CDH12: variants seen among roughly 807,000 people sequenced by gnomAD.
CDH12 encodes cadherin-12.
A neutral mutation model predicts 74.1 loss-of-function variants in CDH12; 41 were observed. That is an observed-to-expected ratio of 0.55 (90% CI 0.43 to 0.72). The LOEUF is 0.72. CDH12 is among the 30% of genes least tolerant of loss of function. The probability of loss-of-function intolerance (pLI) is 0.00; values close to 1 mark genes in which losing one functional copy is unlikely to be tolerated. For synonymous variants in CDH12, 399 were observed against 355.0 expected (o/e 1.12, Z -1.39); for missense variants, 945 against 977.2 (o/e 0.97, Z 0.44).
At chr5:22,510,376 A>G (rs1258579052) in intron 1 of CDH12, among the ~76,000 whole-genome samples, 3 of 152,052 alleles carry the variant, frequency 2.0e-5, no homozygotes, top group Non-Finnish European at 4.4e-5. Context: ...TTATAAAAAT[A>G]TGGAAAAAAA....
At chr5:21,765,964 A>C (rs1745000953) in intron 11 of CDH12, among the ~76,000 whole-genome samples, 1 of 152,056 alleles carries the variant, frequency 6.6e-6, no homozygotes, top group Non-Finnish European at 1.5e-5. Flanking sequence ...CAGAGGCAGA[A>C]AGCTAAATGA....
intron 2 of CDH12, among the ~76,000 whole-genome samples, chr5:22,501,551 C>A (rs188013978): frequency 6.6e-6 from 1 of 151,622 alleles, no homozygotes. Flanking sequence ...ATCATAATTC[C>A]CAATGACAAG....
rs1736793945 is a variant in CDH12, at chr5:22,600,256, GT to G, written c.-522-94893del. 2.0e-5 allele frequency among the ~76,000 whole-genome samples: 3 copies of G among 152,034 alleles called. No individual in the cohort carries two copies. The South Asian group carries it at 6.2e-4, about 31-fold the overall frequency. On this transcript the variant is annotated intron_variant, in intron 1 of 14. Coordinates refer to ENST00000382254, the MANE Select transcript of CDH12 (RefSeq NM_004061.5). The stretch of plus-strand genomic sequence containing the variant: ...GCATCTGGCACACAATGCTATTCGT[GT>G]CTCCTCTTAGTTTTGATGTTGCTGT...
intron 1 of CDH12, among the ~76,000 whole-genome samples, chr5:22,608,214 A>T (rs1737217748): frequency 6.6e-6 from 1 of 152,216 alleles, no homozygotes; most frequent in African/African-American, 2.4e-5. Flanking sequence ...CTGCAAAGCC[A>T]CAGGGTTGGA....
chr5:22,438,591 T>C (rs772781931), intron 2 of CDH12, among the ~76,000 whole-genome samples: 4 of 152,050 alleles, frequency 2.6e-5, no homozygotes, highest in Non-Finnish European at 4.4e-5. Flanking sequence ...TTAAATTAAA[T>C]ATAATAACAT....
chr5:22,000,209 G>T (rs1388431038), intron 5 of CDH12, among the ~76,000 whole-genome samples: 32 of 152,104 alleles, frequency 2.1e-4, no homozygotes, highest in Non-Finnish European at 1.8e-4. Context: ...CTAGTCTCTT[G>T]CCTTGGCCTC....
chr5:22,197,240 C>T lies in CDH12; in HGVS notation c.-187+15258G>A, dbSNP rs183719393. On this transcript the variant is annotated intron_variant, in intron 4 of 14. Coordinates refer to ENST00000382254, the MANE Select transcript of CDH12 (RefSeq NM_004061.5). ...GGGGAGGATCATGAGGTCAGGAGAT[C>T]GAGTCCATCCTGGCTAACACAGTGA... Among the ~76,000 whole-genome samples, 10 of 151,956 alleles carry T rather than the reference C, an allele frequency of 6.6e-5. No individual in the cohort carries two copies. The East Asian group carries it at 1.6e-3, about 24-fold the overall frequency.
At chr5:22,444,949 A>G (rs1029441870) in intron 2 of CDH12, among the ~76,000 whole-genome samples, 1 of 152,070 alleles carries the variant, frequency 6.6e-6, no homozygotes, top group African/African-American at 2.4e-5. Context: ...TTCTTTCAAA[A>G]CAATATATAG....
chr5:22,837,813 T>C (rs1395265343), intron 1 of CDH12, among the ~76,000 whole-genome samples: 2 of 152,192 alleles, frequency 1.3e-5, no homozygotes, highest in Non-Finnish European at 2.9e-5. Flanking sequence ...TCATGGTAGA[T>C]AGAAGCCTAA....
At chr5:22,390,178 C>T (rs1032766044) in intron 3 of CDH12, among the ~76,000 whole-genome samples, 2 of 152,056 alleles carry the variant, frequency 1.3e-5, no homozygotes, top group African/African-American at 4.8e-5. Context: ...AACTCTTACT[C>T]CTGGAGGATG....
chr5:22,605,931 C>T (rs1737092226), intron 1 of CDH12, among the ~76,000 whole-genome samples: 1 of 152,200 alleles, frequency 6.6e-6, no homozygotes, highest in African/African-American at 2.4e-5. Context: ...AGTAGGCTGA[C>T]CTGCAAGAGC....
At chr5:22,812,835 G>A (rs1179577922) in intron 1 of CDH12, among the ~76,000 whole-genome samples, 1 of 152,072 alleles carries the variant, frequency 6.6e-6, no homozygotes, top group African/African-American at 2.4e-5. Flanking sequence ...GTCAAAAAAT[G>A]ATCTGTGACT....
At chr5:21,813,433 T>C (rs558912936) in intron 9 of CDH12, among the ~76,000 whole-genome samples, 45 of 152,060 alleles carry the variant, frequency 3.0e-4, no homozygotes, top group Non-Finnish European at 4.9e-4. Flanking sequence ...TGAGCCGAGA[T>C]CCCTCCATTG....
intron 6 of CDH12, among the ~76,000 whole-genome samples, chr5:21,932,478 C>A (rs1754885472): frequency 6.6e-6 from 1 of 152,144 alleles, no homozygotes; most frequent in Admixed American, 6.6e-5. Context: ...CAGCTCTCTG[C>A]AGAGGAACTC....
At chr5:22,519,461 T>A (rs1413316152) in intron 1 of CDH12, among the ~76,000 whole-genome samples, 1 of 150,202 alleles carries the variant, frequency 6.7e-6, no homozygotes, top group South Asian at 2.1e-4. Context: ...TCTCACTCTG[T>A]CACCCAGGCT....
intron 2 of CDH12, among the ~76,000 whole-genome samples, chr5:22,482,022 T>G (rs1746403781): frequency 6.6e-6 from 1 of 152,152 alleles, no homozygotes; most frequent in Non-Finnish European, 1.5e-5. Context: ...TTAATGTGGA[T>G]CATGACTGAA....
At chr5:22,818,427 C>G (rs1355358357) in intron 1 of CDH12, among the ~76,000 whole-genome samples, 1 of 152,068 alleles carries the variant, frequency 6.6e-6, no homozygotes, top group African/African-American at 2.4e-5. Flanking sequence ...CCATCCCTTT[C>G]ACTTGCCTCC....
chr5:22,214,595 C>T (rs990304038), intron 3 of CDH12, among the ~76,000 whole-genome samples: 3 of 152,262 alleles, frequency 2.0e-5, no homozygotes, highest in South Asian at 4.1e-4. Context: ...TAAAGCACTC[C>T]GTTTCTCGTA....
intron 14 of CDH12, among the ~76,000 whole-genome samples, chr5:21,754,583 C>G (rs371371648): frequency 1.3e-5 from 2 of 152,154 alleles, no homozygotes; most frequent in African/African-American, 4.8e-5. Flanking sequence ...CCTTCTACGT[C>G]AGCATGAACT....
Sources: gnomAD v4.1 joint callset for allele counts (sites outside exome capture counted in the v4.1 genomes callset) on GRCh38, gnomAD v4.1.1 for gene constraint, MANE v1.5 for transcripts, NCBI Gene and HGNC (gene_info 2026-07-23, HGNC 2026-07-21) for gene names.